Variants in TAOK3 observed in about 807,000 individuals in gnomAD.
TAOK3 encodes the protein serine/threonine-protein kinase TAO3.
TAOK3 carries 40 observed loss-of-function variants against 120.4 expected under a neutral mutation model. That is an observed-to-expected ratio of 0.33 (90% CI 0.26 to 0.43). TAOK3 has a LOEUF of 0.43. TAOK3 is among the 20% of genes least tolerant of loss of function. The pLI is 1.00. For missense variants in TAOK3, 821 were observed against 1,112.1 expected, an observed-to-expected ratio of 0.74 and a Z score of 3.72; for synonymous variants, 355 against 387.5, an observed-to-expected ratio of 0.92 and a Z score of 0.99.
At chr12:118,368,197 T>C (rs1256391404) in intron 1 of TAOK3, among the ~76,000 whole-genome samples, 3 of 152,052 alleles carry the variant, frequency 2.0e-5, no homozygotes, top group African/African-American at 7.2e-5. Context: ...CGACTTTTGG[T>C]TATTATTATT....
At chr12:118,269,155 T>TTCTTTCTTTCTTCTCTTTCTTCTCTC (rs2041591950) in intron 1 of TAOK3, among the ~76,000 whole-genome samples, 1 of 151,210 alleles carries the variant, frequency 6.6e-6, no homozygotes, top group African/African-American at 2.4e-5. Flanking sequence ...TTCTCTCTCT[T>TTCTTTCTTTCTTCTCTTTCTTCTCTC]TCTTTCTTTC....
chr12:118,324,266 A>G (rs1035628249), intron 1 of TAOK3, among the ~76,000 whole-genome samples: 1 of 152,222 alleles, frequency 6.6e-6, no homozygotes. Context: ...GTGCAGGAGT[A>G]TAGATATGAG....
intron 1 of TAOK3, among the ~76,000 whole-genome samples, chr12:118,286,269 G>C (rs965576840): frequency 1.3e-5 from 2 of 152,120 alleles, no homozygotes; most frequent in Admixed American, 1.3e-4. Context: ...TGTGCCATTA[G>C]AAGCTAGGTT....
chr12:118,229,127 T>C (rs1266364532), intron 9 of TAOK3, among the ~76,000 whole-genome samples: 1 of 151,280 alleles, frequency 6.6e-6, no homozygotes. Flanking sequence ...GGGGACAGAG[T>C]TTCGATCTTG....
chr12:118,290,968 A>G (rs1405209538), intron 1 of TAOK3, among the ~76,000 whole-genome samples: 2 of 143,634 alleles, frequency 1.4e-5, no homozygotes, highest in African/African-American at 5.2e-5. Context: ...GCTCACTGCA[A>G]CCTCTGCCTC....
At chr12:118,224,856 C>T (rs866454077) in intron 9 of TAOK3, among the ~76,000 whole-genome samples, 1 of 151,874 alleles carries the variant, frequency 6.6e-6, no homozygotes, top group Non-Finnish European at 1.5e-5. Flanking sequence ...AGACAGACAC[C>T]ATAAAGAAAG....
Position 118,336,765 on chromosome 12 carries a change from A to C in TAOK3, c.-194+35883T>G, listed in dbSNP as rs964115074. ...CCAACAGTAAATTACAGCAAAAAAAACTCCAATTACAAAAAGGGCAAAGAG... is the reference window on the plus strand; with the variant it reads ...CCAACAGTAAATTACAGCAAAAAAACCTCCAATTACAAAAAGGGCAAAGAG... On this transcript the variant is annotated intron_variant, in intron 1 of 20. Transcript: ENST00000392533. Among the ~76,000 whole-genome samples the C allele has an allele frequency of 3.9e-5, 6 of 152,234 alleles. No individual in the cohort carries two copies. In the East Asian group the frequency reaches 5.8e-4, roughly 15 times the overall value.
chr12:118,286,658 T>G (rs899088961), intron 1 of TAOK3, among the ~76,000 whole-genome samples: 2 of 152,028 alleles, frequency 1.3e-5, no homozygotes, highest in African/African-American at 2.4e-5. Flanking sequence ...GAAAACAGTG[T>G]GGAGATTCCT....
At chr12:118,326,481 C>A (rs2043939523) in intron 1 of TAOK3, among the ~76,000 whole-genome samples, 1 of 152,106 alleles carries the variant, frequency 6.6e-6, no homozygotes, top group Admixed American at 6.5e-5. Context: ...TATTCTGGCT[C>A]TTTAGTGGCT....
At chr12:118,196,430 AATTT>A (rs2037733225) in intron 13 of TAOK3, among the ~76,000 whole-genome samples, 1 of 151,898 alleles carries the variant, frequency 6.6e-6, no homozygotes, top group Admixed American at 6.6e-5. Flanking sequence ...CAGTCAAATT[AATTT>A]GACTAATTTA....
chr12:118,301,978 T>C (rs1018400259), intron 1 of TAOK3, among the ~76,000 whole-genome samples: 1 of 152,204 alleles, frequency 6.6e-6, no homozygotes, highest in East Asian at 1.9e-4. Context: ...TTTGCAGAGT[T>C]GCATTAATTG....
At chr12:118,332,497 A>G (rs993063083) in intron 1 of TAOK3, among the ~76,000 whole-genome samples, 3 of 152,306 alleles carry the variant, frequency 2.0e-5, no homozygotes, top group East Asian at 1.9e-4. Context: ...TTGCAGGCCA[A>G]TGGACATCTC....
rs1459658439 is a variant in TAOK3 at position 118,372,282 on chromosome 12, A to G, written c.-194+366T>C. Among the ~76,000 whole-genome samples the G allele has an allele frequency of 2.2e-5, 3 of 136,140 alleles. No individual in the cohort carries two copies. Among genetic ancestry groups the G allele is most frequent in the Non-Finnish European group, 4.7e-5 (3 of 63,770 alleles). The allele number at this position is 136,140 out of a possible 152,430, so 89.3% of individuals were successfully genotyped here. A position where few individuals can be genotyped will look rare whatever the true frequency, so the allele number is the denominator to read the frequency against. On this transcript the variant is annotated intron_variant, in intron 1 of 20. Coordinates refer to ENST00000392533, the MANE Select transcript of TAOK3 (RefSeq NM_016281.4). The surrounding 1 kb of genome is among the most constrained non-coding windows in gnomAD (Gnocchi z 4.6). ...CCCGCTGTCCCTGACCTTTTCTGGG[A>G]CCTGGTCCTTCAGGGGACCCCCTCC... is the stretch of plus-strand genomic sequence containing the variant.
chr12:118,212,427 G>T (rs1012119114), intron 11 of TAOK3, among the ~76,000 whole-genome samples: 3 of 152,164 alleles, frequency 2.0e-5, no homozygotes, highest in Non-Finnish European at 4.4e-5. Flanking sequence ...TGGTTAACAC[G>T]ATACTCTTAT....
At chr12:118,169,016 T>C (rs2138586675) in intron 17 of TAOK3, among the ~76,000 whole-genome samples, 1 of 149,212 alleles carries the variant, frequency 6.7e-6, no homozygotes, top group Non-Finnish European at 1.5e-5. Flanking sequence ...TTTCTTTCTT[T>C]CTTTCTATTT....
intron 9 of TAOK3, among the ~76,000 whole-genome samples, chr12:118,218,371 G>C (rs566237171): frequency 6.6e-6 from 1 of 152,172 alleles, no homozygotes; most frequent in Admixed American, 6.6e-5. Flanking sequence ...GTATCTGTGG[G>C]GGACTGGTTC....
intron 1 of TAOK3, among the ~76,000 whole-genome samples, chr12:118,367,907 A>G (rs897395216): frequency 2.0e-5 from 3 of 152,286 alleles, no homozygotes; most frequent in African/African-American, 7.2e-5. Flanking sequence ...CCCCTATGCT[A>G]CTGATAGCAA....
chr12:118,286,613 G>T (rs529071483), intron 1 of TAOK3, among the ~76,000 whole-genome samples: 2 of 151,228 alleles, frequency 1.3e-5, no homozygotes, highest in East Asian at 3.9e-4. Context: ...ACTTCTGCAC[G>T]GCTGGTGGGA....
At chr12:118,236,025 T>G in intron 7 of TAOK3, 1 of 169,160 alleles carries the variant, frequency 5.9e-6, no homozygotes, top group Non-Finnish European at 1.3e-5. Flanking sequence ...ATCAATAGTA[T>G]TCCCTGTGCT....
Sources: gnomAD v4.1 joint callset for allele counts (sites outside exome capture counted in the v4.1 genomes callset) on GRCh38, gnomAD v4.1.1 for gene constraint, Gnocchi (gnomAD v3.1) non-coding constraint, MANE v1.5 for transcripts, NCBI Gene and HGNC (gene_info 2026-07-23, HGNC 2026-07-21) for gene names.